CDK11B: variants seen among roughly 807,000 people sequenced by gnomAD.
CDK11B encodes the protein cyclin-dependent kinase 11B.
A neutral mutation model predicts 84.0 loss-of-function variants in CDK11B; 37 were observed. The ratio of observed to expected loss-of-function variants is 0.44; its 90% CI spans 0.34 to 0.58. CDK11B has a LOEUF of 0.58. Ranked by LOEUF, CDK11B falls within the 20% of genes least tolerant of loss-of-function variation. The probability of loss-of-function intolerance (pLI) is 0.02; values close to 1 mark genes in which losing one functional copy is unlikely to be tolerated. For missense variants in CDK11B, 427 were observed against 834.0 expected, an observed-to-expected ratio of 0.51 and a Z score of 6.01; for synonymous variants, 269 against 309.8, an observed-to-expected ratio of 0.87 and a Z score of 1.38.
At chr1:1,656,038 T>C (rs890782525) in intron 2 of CDK11B, among the ~76,000 whole-genome samples, 2 of 152,216 alleles carry the variant, frequency 1.3e-5, no homozygotes, top group African/African-American at 4.8e-5. Flanking sequence ...GTTGCTTATA[T>C]GAGCCAAAAA....
At chr1:1,658,871 TCTC>T (rs1447931451) in intron 1 of CDK11B, 40 bp downstream of exon 1, 5 of 160,276 alleles carry the variant, frequency 3.1e-5, no homozygotes, top group Non-Finnish European at 7.0e-5. Flanking sequence ...GGTGCGCAGT[TCTC>T]CTCGCGCTCC....
In CDK11B at chr1:1,657,375, A is replaced by G. The variant is rs1642900784; in HGVS notation, c.111T>C (p.Asn37=). Residue 37 remains asparagine (N), a splice_region_variant and synonymous_variant, in exon 2 of 20, where the codon AAT becomes AAC. Transcript: ENST00000341832. ...CACTTACTTAAAAAATATGGCTTAC[A>G]TTTTTTAAGCGTTTTATCTCTGCTT... ...EEKAEIKRLK[N]SDDRDSKRDS... 6.2e-7 allele frequency: 1 copy of G among 1,612,622 alleles called. No individual in the cohort carries two copies. Among genetic ancestry groups the G allele is most frequent in the African/African-American group, 1.3e-5 (1 of 74,862 alleles).
At chr1:1,638,940 T>TA (rs1463790792) in intron 11 of CDK11B, among the ~76,000 whole-genome samples, 1 of 138,960 alleles carries the variant, frequency 7.2e-6, no homozygotes, top group Non-Finnish European at 1.5e-5. Flanking sequence ...GTTTTCTATT[T>TA]TTTTTTTTTT....
In CDK11B at chr1:1,641,131, C is replaced by T. The variant is rs770565637; in HGVS notation, c.1010-18G>A. On this transcript the variant is annotated intron_variant, in intron 9 of 19. Coordinates refer to ENST00000341832, the MANE Select transcript of CDK11B (RefSeq NM_033486.3). ...TACTTCTTCTGCAAGAGAAAGGAGG[C>T]GTCTGCTCAGACCAGCACCGGGGCG... 37 of 1,556,234 alleles carry T rather than the reference C, an allele frequency of 2.4e-5. No individual in the cohort carries two copies. The highest frequency in any genetic ancestry group is 1.8e-4 in the African/African-American group (13 of 72,282).
At chr1:1,655,591 C>G in intron 2 of CDK11B, 107 bp from the exon 3 acceptor site, 1 of 1,426,556 alleles carries the variant, frequency 7.0e-7, no homozygotes, top group East Asian at 2.5e-5. Flanking sequence ...CCAAAACAAA[C>G]TTTCATATAT....
chr1:1,650,086 C>T (rs1475507773), intron 4 of CDK11B, among the ~76,000 whole-genome samples: 8,994 of 149,392 alleles, frequency 0.06, 347 homozygotes, highest in African/African-American at 0.1. Context: ...CTGGCTAACA[C>T]GGTGAAACCC....
In CDK11B at chr1:1,649,750, G is replaced by A. The variant is rs1295016051; in HGVS notation, c.356-113C>T. The stretch of plus-strand genomic sequence containing the variant: ...AGCACTTTGGGAGGCTGAGGCGGGC[G>A]GATCACCTGAGGTCAGGAGTTCAAG... On this transcript the variant is annotated intron_variant, in intron 4 of 19. Transcript: ENST00000341832. 8.8e-4 allele frequency: 875 copies of A among 997,136 alleles called. 7 individuals are homozygous for A. In the African/African-American group the frequency reaches 0.013, roughly 15 times the overall value. 61.8% of individuals were successfully genotyped at this position (997,136 alleles called of 1,614,324 possible). A position where few individuals can be genotyped will look rare whatever the true frequency, so the allele number is the denominator to read the frequency against.
chr1:1,636,316 G>A lies in CDK11B; in HGVS notation c.2066+17C>T, dbSNP rs372403220. The A allele has an allele frequency of 9.3e-4, 1,447 of 1,551,520 alleles. 2 individuals carry two copies. The highest frequency in any genetic ancestry group is 3.4e-3 in the East Asian group (140 of 41,042). On this transcript the variant is annotated intron_variant, in intron 18 of 19. Transcript: ENST00000341832. ...TATGGCTCGGGACCTCCCGCCACCC[G>A]GCTGCACTGGGCTCACTTGTTCATG... is the stretch of plus-strand genomic sequence containing the variant.
intron 5 of CDK11B, chr1:1,646,959 T>C (rs1311227307): frequency 3.8e-6 from 2 of 519,914 alleles, no homozygotes; most frequent in Non-Finnish European, 7.7e-6. Flanking sequence ...AGTTTGACTA[T>C]GATGTGACTT....
rs1173758599 is a variant in CDK11B, at chr1:1,636,437, C to T, written c.1962G>A (p.Glu654=). 4 of 1,612,998 alleles carry T rather than the reference C, an allele frequency of 2.5e-6. No individual in the cohort carries two copies. Among genetic ancestry groups the T allele is most frequent in the Non-Finnish European group, 3.4e-6 (4 of 1,179,478 alleles). Residue 654 remains glutamate (E), a synonymous_variant, in exon 18 of 20, where the codon GAG becomes GAA. Coordinates refer to ENST00000341832, the MANE Select transcript of CDK11B (RefSeq NM_033486.3). ...AGGTCATCTTCTTGACTGCTGGGAG[C>T]TCGCTGTAGCCGGGCCAGATTTTCT... ...PSEKIWPGYS[E]LPAVKKMTFS... is the part of the protein sequence containing the mutation.
Position 1,641,777 on chromosome 1 carries a change from TTCCTCCTCC to T in CDK11B, c.885_893del (p.Glu301_Glu303del), listed in dbSNP as rs910161203. On this transcript the variant is annotated inframe_deletion, in exon 9 of 20. Transcript: ENST00000341832. ...TGGTGCTCCCTTCCTCCTCCTCCTC[TTCCTCCTCC>T]TCCTCTTCTTCCTCAGAACCTGAGC... 4 of 666,600 alleles carry T rather than the reference TTCCTCCTCC, an allele frequency of 6.0e-6. No individual in the cohort carries two copies. Among genetic ancestry groups the T allele is most frequent in the Non-Finnish European group, 1.0e-5 (4 of 396,040 alleles). The allele number at this position is 666,600 out of a possible 1,614,324, so 41.3% of individuals were successfully genotyped here.
chr1:1,636,716 T>A lies in CDK11B; in HGVS notation c.1883A>T (p.Lys628Met), dbSNP rs1231675499. ...LLTQKPLFPGKSEIDQINKVF... is the reference protein window; with the variant it reads ...LLTQKPLFPGMSEIDQINKVF... ...CTTGTTGATCTGATCGATTTCTGAC[T>A]TCCCGGGGAACAGAGGCTTCTGAGT... The change falls in exon 17 of 20, where the codon AAG (lysine) becomes ATG (methionine). Residue 628 changes from lysine (K) to methionine (M), a missense_variant. Around this residue, in one of 12 missense-constraint regions of CDK11B, gnomAD observed 170 missense variants for 196.0 expected, o/e 0.87. Coordinates refer to ENST00000341832, the MANE Select transcript of CDK11B (RefSeq NM_033486.3). 6.2e-7 allele frequency: 1 copy of A among 1,613,846 alleles called. No individual in the cohort carries two copies. The highest frequency in any genetic ancestry group is 1.3e-5 in the African/African-American group (1 of 74,910).
rs1553120931 is a variant in CDK11B, at chr1:1,653,860, ACAC to A, written c.228-1297_228-1295del. The stretch of plus-strand genomic sequence containing the variant: ...CACACACACACACACACACACACAC[ACAC>A]CCGAGCGTGGTGGCGCATGCCTGTA... On this transcript the variant is annotated intron_variant, in intron 3 of 19. Coordinates refer to ENST00000341832, the MANE Select transcript of CDK11B (RefSeq NM_033486.3). Among the ~76,000 whole-genome samples the A allele has an allele frequency of 8.3e-3, 1,226 of 146,866 alleles. 12 individuals are homozygous for A. The highest frequency in any genetic ancestry group is 0.019 in the African/African-American group (710 of 37,808).
At chr1:1,657,224 T>G (rs1344935362) in intron 2 of CDK11B, 151 bp downstream of exon 2, 1 of 1,613,902 alleles carries the variant, frequency 6.2e-7, no homozygotes, top group Admixed American at 1.7e-5. Context: ...TTGAATGTTT[T>G]TGTTAATTTT....
intron 4 of CDK11B, 85 bp downstream of exon 4, chr1:1,652,354 T>G (rs1328835841): frequency 8.6e-7 from 1 of 1,165,542 alleles, no homozygotes; most frequent in African/African-American, 1.6e-5. Context: ...GGTTTTTCAG[T>G]GGTGCTCTGG....
chr1:1,647,579 A>G (rs1284600214), intron 5 of CDK11B, among the ~76,000 whole-genome samples: 1 of 152,252 alleles, frequency 6.6e-6, no homozygotes, highest in East Asian at 1.9e-4. Context: ...GTGTGTGGAC[A>G]GGGAGCACAC....
chr1:1,640,322 G>A lies in CDK11B; in HGVS notation c.1206C>T (p.Pro402=), dbSNP rs1260040129. The change falls in exon 11 of 20, where the codon CCC becomes CCT. Residue 402 remains proline (P), a synonymous_variant. Coordinates refer to ENST00000341832, the MANE Select transcript of CDK11B (RefSeq NM_033486.3). The stretch of plus-strand genomic sequence containing the variant: ...TGGGCAGCTCCTGCTTGAGCTCGAT[G>A]GGCGACAGGGCAGGGGAGTCGGGCA... The part of the protein sequence containing the change: ...DYVPDSPALS[P]IELKQELPKY... 19 of 1,613,570 alleles carry A rather than the reference G, an allele frequency of 1.2e-5. No homozygotes were observed. Among genetic ancestry groups the A allele is most frequent in the Non-Finnish European group, 1.6e-5 (19 of 1,179,676 alleles).
chr1:1,640,992 G>C lies in CDK11B; in HGVS notation c.1075+56C>G. On this transcript the variant is annotated intron_variant, in intron 10 of 19. Transcript: ENST00000341832. The stretch of plus-strand genomic sequence containing the variant: ...GCAGGACCGGCTGTCTTAGGAGAGG[G>C]CTGCTGCACTCGGAGACAGACAAGG... 1.9e-6 allele frequency: 3 copies of C among 1,592,690 alleles called. No homozygotes were observed. In the South Asian group the frequency reaches 3.4e-5, roughly 18 times the overall value.
intron 5 of CDK11B, among the ~76,000 whole-genome samples, chr1:1,647,549 G>C (rs1195124785): frequency 2.0e-5 from 3 of 152,234 alleles, no homozygotes; most frequent in Non-Finnish European, 1.5e-5. Context: ...AGCACAGTAA[G>C]GCTTCCTTGG....
Sources: gnomAD v4.1 joint callset for allele counts (sites outside exome capture counted in the v4.1 genomes callset) on GRCh38, gnomAD v4.1.1 for gene constraint, gnomAD v4.1.1 regional missense constraint, MANE v1.5 for transcripts, NCBI Gene and HGNC (gene_info 2026-07-23, HGNC 2026-07-21) for gene names.